The following EPS15L1 variants were observed in gnomAD, a reference collection of about 807,000 sequenced individuals.
EPS15L1 encodes the protein epidermal growth factor receptor pathway substrate 15 like 1.
A neutral mutation model predicts 117.1 loss-of-function variants in EPS15L1; 43 were observed. The observed-to-expected ratio is 0.37, with a 90% CI of 0.29 to 0.47. EPS15L1 has a LOEUF of 0.47. Ranked by LOEUF, EPS15L1 falls within the 20% of genes least tolerant of loss-of-function variation. The probability of loss-of-function intolerance (pLI) is 0.99; values close to 1 mark genes in which losing one functional copy is unlikely to be tolerated. For missense variants in EPS15L1, 981 were observed against 1,164.0 expected, an observed-to-expected ratio of 0.84 and a Z score of 2.29; for synonymous variants, 459 against 470.5, an observed-to-expected ratio of 0.98 and a Z score of 0.32.
intron 8 of EPS15L1, among the ~76,000 whole-genome samples, chr19:16,425,551 CA>C: frequency 6.6e-6 from 1 of 152,348 alleles, no homozygotes; most frequent in Non-Finnish European, 1.5e-5. Flanking sequence ...AGAATCCAAT[CA>C]AGCCAGACTC....
Position 16,364,106 on chromosome 19 carries a change from G to A in EPS15L1, c.2381-2122C>T, listed in dbSNP as rs112389286. Among the ~76,000 whole-genome samples, 84 of 152,310 alleles carry A rather than the reference G, an allele frequency of 5.5e-4. 1 individual carries two copies. The East Asian group carries it at 7.5e-3, about 14-fold the overall frequency. On this transcript the variant is annotated intron_variant, in intron 22 of 23. Transcript: ENST00000455140. ...AGGCTCCTCCTCAGGGTTGGAGGGC[G>A]AGCTGTCCTGGGCTCTATTAGGACT...
At chr19:16,387,529 C>A (rs1354544483) in intron 19 of EPS15L1, among the ~76,000 whole-genome samples, 2 of 152,230 alleles carry the variant, frequency 1.3e-5, no homozygotes, top group Non-Finnish European at 2.9e-5. Flanking sequence ...ATCACTTGAA[C>A]CCAGGAGGCA....
chr19:16,416,741 A>G (rs1262914422), intron 12 of EPS15L1, among the ~76,000 whole-genome samples: 1 of 152,120 alleles, frequency 6.6e-6, no homozygotes, highest in African/African-American at 2.4e-5. Context: ...CAGATGCTAC[A>G]GTGAGCCATG....
At chr19:16,368,368 C>T (rs905063501) in intron 22 of EPS15L1, among the ~76,000 whole-genome samples, 2 of 152,212 alleles carry the variant, frequency 1.3e-5, no homozygotes, top group Admixed American at 6.5e-5. Flanking sequence ...TCCTACACAA[C>T]AGGAGATGGC....
rs1419143508 is a variant in EPS15L1 at position 16,417,605 on chromosome 19, A to G, written c.1140T>C (p.Phe380=). The G allele has an allele frequency of 1.2e-6, 2 of 1,614,212 alleles. No individual in the cohort carries two copies. The highest frequency in any genetic ancestry group is 2.2e-5 in the South Asian group (2 of 91,084). Residue 380 remains phenylalanine (F), a synonymous_variant, in exon 12 of 24, where the codon TTT becomes TTC. Transcript: ENST00000455140. The stretch of plus-strand genomic sequence containing the variant: ...TGTCATCAAGCTCCTTCACGCCAGT[A>G]AACTCCCCGGAGCCGAGAGAGCCTG... ...DSSGSLGSGE[F]TGVKELDDIS... is the part of the protein sequence containing the mutation.
intron 23 of EPS15L1, among the ~76,000 whole-genome samples, chr19:16,359,182 G>C (rs950503886): frequency 6.6e-6 from 1 of 152,146 alleles, no homozygotes; most frequent in Non-Finnish European, 1.5e-5. Context: ...GAACGTCCAC[G>C]CTGAAAGAGT....
At chr19:16,359,801 G>T (rs577381851) in intron 23 of EPS15L1, among the ~76,000 whole-genome samples, 2 of 152,046 alleles carry the variant, frequency 1.3e-5, no homozygotes, top group African/African-American at 4.8e-5. Context: ...GGTCAAGGCT[G>T]CAGTGAAGCT....
At chr19:16,409,455 C>T (rs775179158) in intron 13 of EPS15L1, among the ~76,000 whole-genome samples, 82 of 152,142 alleles carry the variant, frequency 5.4e-4, no homozygotes, top group Non-Finnish European at 1.1e-3. Flanking sequence ...TCAGCTATGA[C>T]ACCAAAAGCA....
At chr19:16,444,081 A>AG (rs1296522689) in intron 1 of EPS15L1, among the ~76,000 whole-genome samples, 82 of 150,756 alleles carry the variant, frequency 5.4e-4, no homozygotes, top group African/African-American at 1.9e-3. Context: ...AAAAAAAAAA[A>AG]AAGAAGTGAA....
chr19:16,377,511 G>A (rs1300206061), intron 21 of EPS15L1, among the ~76,000 whole-genome samples: 2 of 152,056 alleles, frequency 1.3e-5, no homozygotes, highest in Admixed American at 6.5e-5. Context: ...ATACCTCCAC[G>A]GGCTTCTAGC....
intron 9 of EPS15L1, 30 bp from the exon 10 acceptor site, chr19:16,421,506 C>A: frequency 6.3e-7 from 1 of 1,593,962 alleles, no homozygotes; most frequent in Non-Finnish European, 8.6e-7. Flanking sequence ...AACAGTTAAT[C>A]TGGAAGCTTT....
At chr19:16,454,335 C>T (rs1184657643) in intron 1 of EPS15L1, among the ~76,000 whole-genome samples, 5 of 152,160 alleles carry the variant, frequency 3.3e-5, no homozygotes, top group African/African-American at 1.2e-4. Flanking sequence ...CAGTGTGTGA[C>T]CTGGCTTATA....
intron 23 of EPS15L1, chr19:16,361,566 G>A: frequency 7.6e-7 from 1 of 1,312,890 alleles, no homozygotes; most frequent in Non-Finnish European, 9.7e-7. Context: ...CCTTATGATA[G>A]AGCATCCAAA....
chr19:16,380,539 T>A (rs2092349742), intron 21 of EPS15L1, among the ~76,000 whole-genome samples: 1 of 151,968 alleles, frequency 6.6e-6, no homozygotes, highest in South Asian at 2.1e-4. Flanking sequence ...GGCTCTAGCG[T>A]CCAGTCACAC....
chr19:16,404,655 T>C lies in EPS15L1; in HGVS notation c.1361A>G (p.Gln454Arg). 6.2e-7 allele frequency: 1 copy of C among 1,614,226 alleles called. No homozygotes were observed. The highest frequency in any genetic ancestry group is 8.5e-7 in the Non-Finnish European group (1 of 1,180,036). The change falls in exon 14 of 24, where the codon CAG (glutamine) becomes CGG (arginine). Residue 454 changes from glutamine (Q) to arginine (R), a missense_variant. By Grantham distance (43) the Gln-to-Arg change is conservative (BLOSUM62 1). This residue lies in a region of EPS15L1 where 819 missense variants were observed against 949.0 expected (regional missense o/e 0.86). Coordinates refer to ENST00000455140, the MANE Select transcript of EPS15L1 (RefSeq NM_001258374.3). The surrounding 1 kb of genome is among the most constrained non-coding windows in gnomAD (Gnocchi z 4.2). ...DAQDRLDEMD[Q>R]QKAKLRDMLS... Reference sequence around the variant, plus strand: ...CATGTCTCGGAGCTTGGCCTTCTGCTGGTCCATCTCGTCCAGGCGGTCTTG... The same window carrying C: ...CATGTCTCGGAGCTTGGCCTTCTGCCGGTCCATCTCGTCCAGGCGGTCTTG...
chr19:16,449,884 G>A (rs1287193136), intron 1 of EPS15L1, among the ~76,000 whole-genome samples: 1 of 152,190 alleles, frequency 6.6e-6, no homozygotes, highest in East Asian at 1.9e-4. Flanking sequence ...TATGCTGAAT[G>A]ACAAAGGCCA....
At chr19:16,356,746 T>G (rs1490546833) in intron 23 of EPS15L1, 1 of 152,172 alleles carries the variant, frequency 6.6e-6, no homozygotes, top group Non-Finnish European at 1.5e-5. Flanking sequence ...AAAACCATCT[T>G]GATGCTGAGA....
intron 1 of EPS15L1, among the ~76,000 whole-genome samples, chr19:16,456,964 G>T (rs2093203547): frequency 6.6e-6 from 1 of 152,050 alleles, no homozygotes; most frequent in South Asian, 2.1e-4. Flanking sequence ...ACATGGGGAG[G>T]GGGTGCCTGC....
At chr19:16,433,907 G>A (rs1388151202) in intron 7 of EPS15L1, among the ~76,000 whole-genome samples, 1 of 152,062 alleles carries the variant, frequency 6.6e-6, no homozygotes, top group African/African-American at 2.4e-5. Flanking sequence ...AGGTTGCAGT[G>A]AGCCGAGATC....
Sources: allele counts gnomAD v4.1 joint callset (sites outside exome capture counted in the v4.1 genomes callset), GRCh38; gene constraint gnomAD v4.1.1; regional missense constraint gnomAD v4.1.1; non-coding constraint Gnocchi (gnomAD v3.1); transcripts MANE v1.5; gene names NCBI Gene and HGNC (gene_info 2026-07-23, HGNC 2026-07-21).